Variants in DCAF6 observed in about 807,000 individuals in gnomAD.
The protein encoded by DCAF6 is DDB1 and CUL4 associated factor 6, also known as DDB1- and CUL4-associated factor 6.
A neutral mutation model predicts 125.1 loss-of-function variants in DCAF6; 54 were observed. The ratio of observed to expected loss-of-function variants is 0.43; its 90% confidence interval spans 0.35 to 0.54. The LOEUF is 0.54. DCAF6 is among the 20% of genes least tolerant of loss of function. The probability of loss-of-function intolerance (pLI) is 0.01; values close to 1 mark genes in which losing one functional copy is unlikely to be tolerated. For missense variants in DCAF6, 934 were observed against 1,161.7 expected, an observed-to-expected ratio of 0.80 and a Z score of 2.85; for synonymous variants, 371 against 390.4, an observed-to-expected ratio of 0.95 and a Z score of 0.58.
chr1:167,920,109 A>G, the DCAF6 span: 1 of 1,506,484 alleles, frequency 6.6e-7, no homozygotes, highest in Non-Finnish European at 9.2e-7. Context: ...ACAAAATGTT[A>G]CTTTAAAAAG....
the DCAF6 span, among the ~76,000 whole-genome samples, chr1:167,869,139 G>C: frequency 6.6e-6 from 1 of 152,194 alleles, no homozygotes; most frequent in South Asian, 2.1e-4. Context: ...GTGTAGCACG[G>C]ATTCGACCCT....
chr1:167,962,057 A>G (rs75886886), intron 2 of DCAF6, among the ~76,000 whole-genome samples: 3,151 of 152,214 alleles, frequency 0.021, 58 homozygotes, highest in Middle Eastern at 0.061. Context: ...CTAAGAGTAG[A>G]CACTGTTTGA....
chr1:168,050,529 C>T (rs561639253), intron 16 of DCAF6, among the ~76,000 whole-genome samples: 1 of 152,250 alleles, frequency 6.6e-6, no homozygotes, highest in East Asian at 1.9e-4. Context: ...TATTTATTTT[C>T]CAAAGAGCTC....
intron 1 of DCAF6, among the ~76,000 whole-genome samples, chr1:167,937,501 C>T (rs992557952): frequency 4.6e-5 from 7 of 152,166 alleles, no homozygotes; most frequent in African/African-American, 1.7e-4. Flanking sequence ...TCCGTGTAAA[C>T]TGTTTTTGCG....
the DCAF6 span, among the ~76,000 whole-genome samples, chr1:167,909,197 T>C: frequency 6.6e-6 from 1 of 152,350 alleles, no homozygotes; most frequent in Non-Finnish European, 1.5e-5. Flanking sequence ...ATCCATGTTG[T>C]TGTATATCAA....
chr1:167,877,793 G>C, the DCAF6 span, among the ~76,000 whole-genome samples: 1 of 152,146 alleles, frequency 6.6e-6, no homozygotes, highest in Non-Finnish European at 1.5e-5. Context: ...CCTCGAGCTG[G>C]GTTTCAAAAA....
At chr1:168,059,511 T>A (rs1436538487) in intron 17 of DCAF6, among the ~76,000 whole-genome samples, 1 of 152,162 alleles carries the variant, frequency 6.6e-6, no homozygotes, top group Non-Finnish European at 1.5e-5. Flanking sequence ...CTTTGGTTGA[T>A]TTTATAATCA....
intron 17 of DCAF6, among the ~76,000 whole-genome samples, chr1:168,053,813 G>T (rs889836623): frequency 6.6e-6 from 1 of 152,128 alleles, no homozygotes; most frequent in Non-Finnish European, 1.5e-5. Context: ...TGCAGTTTAC[G>T]CAAGCTGGCC....
chr1:167,869,972 A>G, the DCAF6 span, among the ~76,000 whole-genome samples: 700 of 152,192 alleles, frequency 4.6e-3, 8 homozygotes, highest in African/African-American at 0.016. Flanking sequence ...CTCAACATCT[A>G]TGCCAATTGT....
the DCAF6 span, among the ~76,000 whole-genome samples, chr1:167,895,038 T>C: frequency 6.6e-6 from 1 of 151,832 alleles, no homozygotes; most frequent in Admixed American, 6.6e-5. Context: ...AAAAATTAGC[T>C]GGGTGTGGTG....
chr1:167,868,917 G>GA, the DCAF6 span, among the ~76,000 whole-genome samples: 2 of 152,112 alleles, frequency 1.3e-5, no homozygotes, highest in African/African-American at 4.8e-5. Flanking sequence ...GTCAAGCCTT[G>GA]ACTATTCTGG....
At chr1:167,991,795 T>TAC (rs1412232959) in intron 6 of DCAF6, among the ~76,000 whole-genome samples, 6 of 152,166 alleles carry the variant, frequency 3.9e-5, no homozygotes, top group Non-Finnish European at 8.8e-5. Flanking sequence ...ACATGCAATT[T>TAC]TCCCTGTGTG....
At chr1:168,066,256 T>C (rs1206120803) in intron 19 of DCAF6, 121 bp from the exon 20 acceptor site, 2 of 512,918 alleles carry the variant, frequency 3.9e-6, no homozygotes, top group East Asian at 3.2e-5. Context: ...AACAGTTAAA[T>C]ATATAGTGTA....
chr1:167,958,128 A>G (rs926176043), intron 2 of DCAF6, among the ~76,000 whole-genome samples: 2 of 152,080 alleles, frequency 1.3e-5, no homozygotes, highest in Admixed American at 1.3e-4. Flanking sequence ...CCTTTAATGT[A>G]CAAAAGTTTT....
At chr1:167,880,314 TG>T in the DCAF6 span, 1 of 1,050,156 alleles carries the variant, frequency 9.5e-7, no homozygotes, top group Non-Finnish European at 1.5e-6. Flanking sequence ...CTCTACCCGT[TG>T]GAATTAGTTT....
chr1:168,054,609 T>C (rs1433691426), intron 17 of DCAF6, among the ~76,000 whole-genome samples: 1 of 152,032 alleles, frequency 6.6e-6, no homozygotes, highest in East Asian at 1.9e-4. Flanking sequence ...TTTAATAACT[T>C]TTTTCTAGAC....
intron 3 of DCAF6, among the ~76,000 whole-genome samples, chr1:167,973,937 G>A (rs954815155): frequency 9.9e-5 from 15 of 152,056 alleles, no homozygotes; most frequent in Admixed American, 3.3e-4. Context: ...AAGCACATAC[G>A]TAGTTTTGTG....
At chr1:168,030,641 T>C (rs1686962475) in intron 12 of DCAF6, among the ~76,000 whole-genome samples, 1 of 152,152 alleles carries the variant, frequency 6.6e-6, no homozygotes, top group Non-Finnish European at 1.5e-5. Context: ...CAGGACTTGG[T>C]GGTAGATTGA....
chr1:167,899,692 T>C, the DCAF6 span: 2 of 1,525,194 alleles, frequency 1.3e-6, no homozygotes, highest in Admixed American at 3.5e-5. Context: ...GCAGCACAGG[T>C]TTTTGGAAAA....
Sources: allele counts gnomAD v4.1 joint callset (sites outside exome capture counted in the v4.1 genomes callset), GRCh38; gene constraint gnomAD v4.1.1; transcripts MANE v1.5; gene names NCBI Gene and HGNC (gene_info 2026-07-23, HGNC 2026-07-21).